Variants in SLC6A11 observed in about 807,000 individuals in gnomAD.
The protein encoded by SLC6A11 is sodium- and chloride-dependent GABA transporter 3.
A neutral mutation model predicts 74.8 loss-of-function variants in SLC6A11; 25 were observed. The observed-to-expected ratio is 0.33, with a 90% CI of 0.24 to 0.47. The LOEUF (loss-of-function observed/expected upper bound fraction) is 0.47. SLC6A11 is among the 20% of genes least tolerant of loss of function. The probability of loss-of-function intolerance (pLI) is 1.00; values close to 1 mark genes in which losing one functional copy is unlikely to be tolerated. For synonymous variants in SLC6A11, 330 were observed against 330.2 expected (o/e 1.00, Z 0.01); for missense variants, 574 against 837.0 (o/e 0.69, Z 3.88).
intron 6 of SLC6A11, among the ~76,000 whole-genome samples, chr3:10,908,961 T>C (rs1467335633): frequency 6.6e-6 from 1 of 152,160 alleles, no homozygotes; most frequent in African/African-American, 2.4e-5. Flanking sequence ...ATAGGTCTGA[T>C]TTCAGGTCTG....
In SLC6A11 at chr3:10,882,599, G is replaced by A. The variant is rs568612128; in HGVS notation, c.891+7504G>A. Among the ~76,000 whole-genome samples the A allele has an allele frequency of 7.2e-5, 11 of 152,302 alleles. No individual in the cohort carries two copies. The East Asian group carries it at 1.5e-3, about 21-fold the overall frequency. On this transcript the variant is annotated intron_variant, in intron 6 of 13. Transcript: ENST00000254488. ...TCAGGAGATATTTTTTGAATGAATC[G>A]AAGGAAGGACCAAACAAGTGAACAA...
At chr3:10,829,281 A>G (rs890088477) in intron 4 of SLC6A11, among the ~76,000 whole-genome samples, 26 of 152,356 alleles carry the variant, frequency 1.7e-4, no homozygotes, top group African/African-American at 6.3e-4. Context: ...TTGATGGGTC[A>G]TAAGTGGGGT....
In SLC6A11 at chr3:10,940,131, G is replaced by A. The variant is rs961556038; in HGVS notation, c.*1729G>A. 9 of 152,268 alleles carry A rather than the reference G, an allele frequency of 5.9e-5. No homozygotes were observed. The highest frequency in any genetic ancestry group is 1.7e-4 in the African/African-American group (7 of 41,448). 9.4% of individuals were successfully genotyped at this position (152,268 alleles called of 1,614,324 possible). ...TGCCCAGTGCCCCACTGGGCAGGAC[G>A]GGAAGCCTAGCCTGGGCCCCCTCTG... On this transcript the variant is annotated 3_prime_UTR_variant, in exon 14 of 14. Coordinates refer to ENST00000254488, the MANE Select transcript of SLC6A11 (RefSeq NM_014229.3).
At chr3:10,839,061 C>T (rs768968827) in intron 4 of SLC6A11, among the ~76,000 whole-genome samples, 4 of 152,142 alleles carry the variant, frequency 2.6e-5, no homozygotes, top group Non-Finnish European at 5.9e-5. Flanking sequence ...AACACCTCCA[C>T]CTGTGGATTC....
Position 10,819,472 on chromosome 3 carries a change from C to T in SLC6A11, c.264C>T (p.Phe88=), listed in dbSNP as rs1247368877. ...YLCYKNGGGA[F]LIPYVVFFIC... ...TCCTTTGCATCCTTACAGGGGCATT[C>T]CTGATTCCCTACGTGGTGTTTTTTA... is the stretch of plus-strand genomic sequence containing the variant. The change falls in exon 2 of 14, where the codon TTC becomes TTT. Residue 88 remains phenylalanine, a synonymous_variant. Coordinates refer to ENST00000254488, the MANE Select transcript of SLC6A11 (RefSeq NM_014229.3). 1.9e-6 allele frequency: 3 copies of T among 1,612,682 alleles called. No individual in the cohort carries two copies. Among genetic ancestry groups the T allele is most frequent in the Non-Finnish European group, 2.5e-6 (3 of 1,179,616 alleles).
At chr3:10,922,307 T>C (rs1369016291) in intron 8 of SLC6A11, among the ~76,000 whole-genome samples, 1 of 152,150 alleles carries the variant, frequency 6.6e-6, no homozygotes, top group African/African-American at 2.4e-5. Context: ...CAAAAAAACA[T>C]AAGATTAGCT....
intron 5 of SLC6A11, among the ~76,000 whole-genome samples, chr3:10,868,421 C>G (rs1293055027): frequency 6.6e-6 from 1 of 152,190 alleles, no homozygotes; most frequent in African/African-American, 2.4e-5. Context: ...CCCACAATCC[C>G]AGTATTGGGA....
intron 4 of SLC6A11, among the ~76,000 whole-genome samples, chr3:10,835,998 G>C (rs73035891): frequency 0.041 from 6,248 of 152,200 alleles, 155 homozygotes; most frequent in East Asian, 0.12. Context: ...CTCTAAATAA[G>C]AGCTCTCTGC....
Position 10,915,280 on chromosome 3 carries a change from G to T in SLC6A11, c.996-3049G>T, listed in dbSNP as rs1180373421. 6.6e-6 allele frequency among the ~76,000 whole-genome samples: 1 copy of T among 152,146 alleles called. No individual in the cohort carries two copies. The highest frequency in any genetic ancestry group is 2.4e-5 in the African/African-American group (1 of 41,420). On this transcript the variant is annotated intron_variant, in intron 7 of 13. Coordinates refer to ENST00000254488, the MANE Select transcript of SLC6A11 (RefSeq NM_014229.3). The surrounding 1 kb of genome is among the most constrained non-coding windows in gnomAD (Gnocchi z 4.3). ...TTCATTCCCCACTGAGTGCGTGGAG[G>T]ATGTATGCTGTCAGCCATGGGTCCC...
chr3:10,867,754 C>T (rs1694782943), intron 5 of SLC6A11, among the ~76,000 whole-genome samples: 1 of 152,236 alleles, frequency 6.6e-6, no homozygotes, highest in East Asian at 1.9e-4. Flanking sequence ...CAGCTCTTCC[C>T]TTTTCATGTC....
chr3:10,891,851 G>C (rs1695111007), intron 6 of SLC6A11, among the ~76,000 whole-genome samples: 1 of 152,198 alleles, frequency 6.6e-6, no homozygotes, highest in South Asian at 2.1e-4. Flanking sequence ...CCTTGGGCAG[G>C]TCACATAACT....
At chr3:10,896,829 G>A (rs185655081) in intron 6 of SLC6A11, among the ~76,000 whole-genome samples, 43 of 152,330 alleles carry the variant, frequency 2.8e-4, no homozygotes, top group African/African-American at 9.6e-4. Flanking sequence ...CTTCTTAGCA[G>A]CAGAAAGCCC....
At chr3:10,931,790 C>T (rs879918697) in intron 10 of SLC6A11, among the ~76,000 whole-genome samples, 6 of 152,190 alleles carry the variant, frequency 3.9e-5, no homozygotes, top group Admixed American at 6.5e-5. Context: ...TTTTCTCATT[C>T]GTATCATCTG....
intron 1 of SLC6A11, among the ~76,000 whole-genome samples, chr3:10,817,654 T>C (rs1047154244): frequency 2.0e-5 from 3 of 152,238 alleles, no homozygotes; most frequent in African/African-American, 7.2e-5. Context: ...GCTATGAGTC[T>C]GTGCAGAGCA....
At chr3:10,848,706 G>T (rs1312151203) in intron 5 of SLC6A11, among the ~76,000 whole-genome samples, 3 of 152,192 alleles carry the variant, frequency 2.0e-5, no homozygotes, top group African/African-American at 7.2e-5. Context: ...CTAAGGTGAG[G>T]TTCAGACAAG....
At chr3:10,838,145 G>A (rs997985978) in intron 4 of SLC6A11, among the ~76,000 whole-genome samples, 1 of 152,234 alleles carries the variant, frequency 6.6e-6, no homozygotes, top group South Asian at 2.1e-4. Context: ...CCCCAGGCTG[G>A]GCTGGGACCT....
chr3:10,883,760 C>G (rs1432226539), intron 6 of SLC6A11, among the ~76,000 whole-genome samples: 1 of 152,148 alleles, frequency 6.6e-6, no homozygotes, highest in Non-Finnish European at 1.5e-5. Context: ...GGCCTTCTGG[C>G]TGTTGGACTT....
rs188546392 is a variant in SLC6A11, at chr3:10,926,345, C to T, written c.1233+229C>T. Among the ~76,000 whole-genome samples, 504 of 152,250 alleles carry T rather than the reference C, an allele frequency of 3.3e-3. No homozygotes were observed. The highest frequency in any genetic ancestry group is 3.1e-3 in the South Asian group (15 of 4,824). ...CTTACCCACAAATGTCTGTTCCGGCCCCTCTAAGCCTTCCCAAACACTGTT... is the reference window on the plus strand; with the variant it reads ...CTTACCCACAAATGTCTGTTCCGGCTCCTCTAAGCCTTCCCAAACACTGTT... On this transcript the variant is annotated intron_variant, in intron 9 of 13. Coordinates refer to ENST00000254488, the MANE Select transcript of SLC6A11 (RefSeq NM_014229.3). This position sits in a 1 kb window ranked among gnomAD's most constrained non-coding sequence, Gnocchi z 5.7.
chr3:10,918,103 T>C lies in SLC6A11; in HGVS notation c.996-226T>C, dbSNP rs908223844. On this transcript the variant is annotated intron_variant, in intron 7 of 13. Coordinates refer to ENST00000254488, the MANE Select transcript of SLC6A11 (RefSeq NM_014229.3). This position sits in a 1 kb window ranked among gnomAD's most constrained non-coding sequence, Gnocchi z 4.5. ...CCCATGCTGGCTCTATGCTTCTGAT[T>C]CGTGACCTACCTTACCTTCTAGAAA... is the stretch of plus-strand genomic sequence containing the variant. Among the ~76,000 whole-genome samples the C allele has an allele frequency of 3.3e-5, 5 of 152,172 alleles. No individual in the cohort carries two copies. Among genetic ancestry groups the C allele is most frequent in the Admixed American group, 2.6e-4 (4 of 15,282 alleles).
Sources: gnomAD v4.1 joint callset for allele counts (sites outside exome capture counted in the v4.1 genomes callset) on GRCh38, gnomAD v4.1.1 for gene constraint, Gnocchi (gnomAD v3.1) non-coding constraint, MANE v1.5 for transcripts, NCBI Gene and HGNC (gene_info 2026-07-23, HGNC 2026-07-21) for gene names.